DHRSX: variants seen among roughly 807,000 people sequenced by gnomAD.
DHRSX encodes the protein polyprenol dehydrogenase.
A neutral mutation model predicts 34.0 loss-of-function variants in DHRSX; 31 were observed. That is an observed-to-expected ratio of 0.91 (90% CI 0.69 to 1.23). The LOEUF is 1.23. Among genes scored for constraint, DHRSX ranks in the 50% most tolerant of loss-of-function variants. DHRSX has a pLI of 0.00. For missense variants in DHRSX, 414 were observed against 428.1 expected (o/e 0.97, Z 0.29); for synonymous variants, 201 against 183.8 (o/e 1.09, Z -0.76).
intron 3 of DHRSX, among the ~76,000 whole-genome samples, chrX:2,339,875 T>G (rs749457337): frequency 1.3e-5 from 2 of 152,212 alleles, no homozygotes; most frequent in African/African-American, 4.8e-5. Flanking sequence ...ATCCTTTGGG[T>G]ATATACTCAG....
chrX:2,252,620 G>T (rs1224751989), intron 5 of DHRSX, among the ~76,000 whole-genome samples: 1 of 152,180 alleles, frequency 6.6e-6, no homozygotes, highest in African/African-American at 2.4e-5. Context: ...GGTTGGTTCT[G>T]TAATTATGGT....
intron 1 of DHRSX, among the ~76,000 whole-genome samples, chrX:2,436,367 G>A (rs7884485): frequency 0.11 from 16,902 of 151,610 alleles, 1,263 homozygotes; most frequent in Middle Eastern, 0.18. Flanking sequence ...ATGAGCTTCA[G>A]GGCATGGCAG....
intron 2 of DHRSX, among the ~76,000 whole-genome samples, chrX:2,412,832 T>C (rs1302231470): frequency 6.6e-6 from 1 of 152,128 alleles, no homozygotes; most frequent in Non-Finnish European, 1.5e-5. Flanking sequence ...ATAAGCCACA[T>C]AAAACCAAAT....
At chrX:2,326,203 G>A (rs1477681804) in intron 3 of DHRSX, among the ~76,000 whole-genome samples, 1 of 152,116 alleles carries the variant, frequency 6.6e-6, no homozygotes, top group Non-Finnish European at 1.5e-5. Context: ...ACAGCTGCAG[G>A]CTGACAGTGG....
At position 2,368,475 on chromosome X, in the gene DHRSX, G is replaced by A. The variant is rs186769451; in HGVS notation, c.286+40270C>T. 1.5e-4 allele frequency among the ~76,000 whole-genome samples: 23 copies of A among 152,142 alleles called. No individual in the cohort carries two copies. The South Asian group carries it at 2.3e-3, about 15-fold the overall frequency. On this transcript the variant is annotated intron_variant, in intron 3 of 6. Transcript: ENST00000334651. ...TTTTATAATGAAACATTTTTATGAG[G>A]CACATTGAAGTTCAAACAATTGCTA...
intron 1 of DHRSX, among the ~76,000 whole-genome samples, chrX:2,463,731 G>T (rs1437849318): frequency 6.6e-6 from 1 of 152,184 alleles, no homozygotes; most frequent in Non-Finnish European, 1.5e-5. Context: ...GGCTGGCTGC[G>T]TCTCTCACTG....
At chrX:2,398,522 C>T (rs1237507258) in intron 3 of DHRSX, among the ~76,000 whole-genome samples, 1 of 152,064 alleles carries the variant, frequency 6.6e-6, no homozygotes, top group African/African-American at 2.4e-5. Context: ...TCTGGAAACG[C>T]ACCGACTATC....
At chrX:2,242,331 C>T (rs1287493779) in intron 6 of DHRSX, among the ~76,000 whole-genome samples, 1 of 151,962 alleles carries the variant, frequency 6.6e-6, no homozygotes, top group Non-Finnish European at 1.5e-5. Context: ...CGTCACCCAC[C>T]GAGCTCGCAC....
intron 1 of DHRSX, among the ~76,000 whole-genome samples, chrX:2,483,903 G>T (rs2044815424): frequency 6.6e-6 from 1 of 151,808 alleles, no homozygotes; most frequent in Non-Finnish European, 1.5e-5. Context: ...ATTTCTTAAT[G>T]GTTGGGGGAA....
chrX:2,256,834 A>C (rs2041286355), intron 5 of DHRSX, among the ~76,000 whole-genome samples: 1 of 138,334 alleles, frequency 7.2e-6, no homozygotes, highest in African/African-American at 2.5e-5. Flanking sequence ...TGGTTCTCAT[A>C]TTTTAGCATG....
At chrX:2,416,579 C>T (rs2043696234) in intron 2 of DHRSX, among the ~76,000 whole-genome samples, 1 of 152,134 alleles carries the variant, frequency 6.6e-6, no homozygotes, top group South Asian at 2.1e-4. Flanking sequence ...TAGGGCAGAG[C>T]TCATAGTTAT....
intron 3 of DHRSX, among the ~76,000 whole-genome samples, chrX:2,304,203 A>AAATGGATG (rs2042067566): frequency 3.4e-5 from 1 of 29,622 alleles, no homozygotes; most frequent in Non-Finnish European, 7.1e-5. Context: ...ATGGATGGAT[A>AAATGGATG]AATGGATGGA....
chrX:2,385,602 T>C (rs188113186), intron 3 of DHRSX, among the ~76,000 whole-genome samples: 342 of 152,278 alleles, frequency 2.2e-3, no homozygotes, highest in Admixed American at 7.9e-3. Flanking sequence ...TGTTATGAGA[T>C]TAATTCCTTC....
chrX:2,402,544 G>A (rs1201374081), intron 3 of DHRSX, among the ~76,000 whole-genome samples: 1 of 152,212 alleles, frequency 6.6e-6, no homozygotes, highest in Non-Finnish European at 1.5e-5. Flanking sequence ...CCTGGAGGCA[G>A]ACTCAGTCGA....
At chrX:2,305,599 G>A (rs186087407) in intron 3 of DHRSX, among the ~76,000 whole-genome samples, 182 of 152,174 alleles carry the variant, frequency 1.2e-3, no homozygotes, top group African/African-American at 3.7e-3. Flanking sequence ...GCAAATGCCC[G>A]TCATTGATAG....
At chrX:2,246,579 C>T (rs1234319677) in intron 5 of DHRSX, among the ~76,000 whole-genome samples, 12 of 149,552 alleles carry the variant, frequency 8.0e-5, no homozygotes, top group African/African-American at 1.7e-4. Context: ...CACGAGATCA[C>T]GCCATTGTAC....
At chrX:2,270,367 A>G (rs983202958) in intron 4 of DHRSX, among the ~76,000 whole-genome samples, 13 of 152,172 alleles carry the variant, frequency 8.5e-5, no homozygotes, top group Non-Finnish European at 1.8e-4. Flanking sequence ...CATTCTAGGA[A>G]TTACGAGACA....
chrX:2,342,509 C>G (rs1435589230), intron 3 of DHRSX, among the ~76,000 whole-genome samples: 1 of 151,812 alleles, frequency 6.6e-6, no homozygotes, highest in Non-Finnish European at 1.5e-5. Context: ...TTGGGTACAG[C>G]CTGCCCTTTC....
intron 1 of DHRSX, chrX:2,489,436 C>T: frequency 6.2e-7 from 1 of 1,613,900 alleles, no homozygotes. Context: ...TGTTCAGGAG[C>T]ATGTGCAGCA....
Sources: allele counts gnomAD v4.1 joint callset (sites outside exome capture counted in the v4.1 genomes callset), GRCh38; gene constraint gnomAD v4.1.1; transcripts MANE v1.5; gene names NCBI Gene and HGNC (gene_info 2026-07-23, HGNC 2026-07-21).